Variants in ACSBG1 observed in about 807,000 individuals in gnomAD.
ACSBG1 encodes the protein long-chain-fatty-acid--CoA ligase ACSBG1.
Under a neutral mutation model 80.2 loss-of-function variants are expected in ACSBG1, and 39 were observed. The ratio of observed to expected loss-of-function variants is 0.49; its 90% confidence interval spans 0.38 to 0.64. The LOEUF (loss-of-function observed/expected upper bound fraction) is 0.64, where lower values mean the gene tolerates loss of function less well. Among genes scored for constraint, ACSBG1 ranks in the 30% least tolerant of loss-of-function variants. The probability of loss-of-function intolerance (pLI) is 0.00; values close to 1 mark genes in which losing one functional copy is unlikely to be tolerated. For missense variants in ACSBG1, 828 were observed against 966.4 expected (o/e 0.86, Z 1.90); for synonymous variants, 392 against 379.5 (o/e 1.03, Z -0.38).
intron 5 of ACSBG1, among the ~76,000 whole-genome samples, chr15:78,190,278 A>G (rs1276458666): frequency 1.6e-5 from 2 of 128,606 alleles, no homozygotes; most frequent in South Asian, 5.7e-4. Flanking sequence ...GTTGTCATCC[A>G]TTTTACTTCT....
At chr15:78,226,797 T>A (rs1401993420) in intron 1 of ACSBG1, among the ~76,000 whole-genome samples, 1 of 144,352 alleles carries the variant, frequency 6.9e-6, no homozygotes, top group Non-Finnish European at 1.5e-5. Flanking sequence ...TATATATATA[T>A]ATATAATATA....
At chr15:78,186,010 T>A (rs1217440730) in intron 5 of ACSBG1, among the ~76,000 whole-genome samples, 1 of 152,214 alleles carries the variant, frequency 6.6e-6, no homozygotes, top group Non-Finnish European at 1.5e-5. Flanking sequence ...TAAGAAATGT[T>A]AAAGAAAAGT....
At chr15:78,202,729 T>C (rs2075180174) in intron 2 of ACSBG1, among the ~76,000 whole-genome samples, 1 of 152,172 alleles carries the variant, frequency 6.6e-6, no homozygotes, top group Admixed American at 6.5e-5. Flanking sequence ...TACAGCTTTG[T>C]TGGGGGCAAC....
At position 78,182,459 on chromosome 15, in the gene ACSBG1, G is replaced by C. The variant is rs1177310907; in HGVS notation, c.894+7C>G. 1.2e-6 allele frequency: 2 copies of C among 1,613,764 alleles called. No individual in the cohort carries two copies. The highest frequency in any genetic ancestry group is 1.3e-5 in the African/African-American group (1 of 74,914). On this transcript the variant is annotated splice_region_variant and intron_variant, in intron 7 of 13. Transcript: ENST00000258873. ...ACCCCCCCCACCCCACCGGGCATCT[G>C]TCCTACATTGTCTTGACTCAGCATC...
At position 78,177,998 on chromosome 15, in the gene ACSBG1, C is replaced by T. The variant is rs572613779; in HGVS notation, c.1702+616G>A. Among the ~76,000 whole-genome samples the T allele has an allele frequency of 1.5e-4, 23 of 152,314 alleles. No individual in the cohort carries two copies. Among genetic ancestry groups the T allele is most frequent in the African/African-American group, 3.4e-4 (14 of 41,570 alleles). The stretch of plus-strand genomic sequence containing the variant: ...TGCATATAAAAATACATAATACTTA[C>T]GCTCCTGAATCTTCTGGAAAGACTT... On this transcript the variant is annotated intron_variant, in intron 11 of 13. Transcript: ENST00000258873. This position sits in a 1 kb window ranked among gnomAD's most constrained non-coding sequence, Gnocchi z 4.1.
At chr15:78,208,926 A>T (rs2075242870) in intron 1 of ACSBG1, among the ~76,000 whole-genome samples, 1 of 152,230 alleles carries the variant, frequency 6.6e-6, no homozygotes, top group Non-Finnish European at 1.5e-5. Flanking sequence ...GGATTTCAGT[A>T]CACACTTTAG....
chr15:78,229,667 C>T (rs1432020287), intron 1 of ACSBG1, among the ~76,000 whole-genome samples: 1 of 152,180 alleles, frequency 6.6e-6, no homozygotes. Flanking sequence ...CAGAGCCTGA[C>T]AGCCCTCCCT....
intron 2 of ACSBG1, among the ~76,000 whole-genome samples, chr15:78,205,934 C>T (rs930307618): frequency 1.3e-5 from 2 of 152,304 alleles, no homozygotes; most frequent in Middle Eastern, 3.4e-3. Context: ...GAGAAAGAGT[C>T]CAAGCTCCGC....
intron 8 of ACSBG1, chr15:78,181,145 A>AG (rs1372044626): frequency 1.3e-5 from 8 of 605,096 alleles, no homozygotes; most frequent in Middle Eastern, 8.8e-4. Flanking sequence ...GCAGTCAGGC[A>AG]GCCAGTGCTG....
intron 1 of ACSBG1, among the ~76,000 whole-genome samples, chr15:78,229,320 T>G (rs1227084325): frequency 6.6e-6 from 1 of 152,200 alleles, no homozygotes; most frequent in Non-Finnish European, 1.5e-5. Context: ...ATGAAACAAC[T>G]GTGTTTTTTA....
intron 1 of ACSBG1, among the ~76,000 whole-genome samples, chr15:78,223,282 G>A (rs181918435): frequency 6.6e-6 from 1 of 150,864 alleles, no homozygotes. Flanking sequence ...CCTGTTGGGG[G>A]GTGGGGTGGG....
At position 78,170,422 on chromosome 15, in the gene ACSBG1, C is replaced by T. The variant is rs1016931601; in HGVS notation, c.*1022G>A. On this transcript the variant is annotated 3_prime_UTR_variant, in exon 14 of 14. Transcript: ENST00000258873. ...CACTTTTTAAGCTTGTAACCGCCCC[C>T]CCAGACTTATAATCTTAAATGTATT... is the stretch of plus-strand genomic sequence containing the variant. The T allele has an allele frequency of 6.6e-6, 1 of 152,030 alleles. No homozygotes were observed. Among genetic ancestry groups the T allele is most frequent in the Admixed American group, 6.6e-5 (1 of 15,258 alleles). 9.4% of individuals were successfully genotyped at this position (152,030 alleles called of 1,614,324 possible).
At position 78,178,636 on chromosome 15, in the gene ACSBG1, G is replaced by A. The variant is rs2074907404; in HGVS notation, c.1680C>T (p.Leu560=). The A allele has an allele frequency of 3.1e-6, 5 of 1,612,858 alleles. No individual in the cohort carries two copies. The highest frequency in any genetic ancestry group is 4.2e-6 in the Non-Finnish European group (5 of 1,179,708). ...CACCTTTGAGGCGCCCAGTGATGTA[G>A]AGGAAGCCATCGGCGTCCAGGCGGC... ...DAGRLDADGF[L]YITGRLKELI... The change falls in exon 11 of 14, where the codon CTC becomes CTT. Residue 560 remains leucine, a synonymous_variant. Transcript: ENST00000258873. The surrounding 1 kb of genome is among the most constrained non-coding windows in gnomAD (Gnocchi z 4.3).
intron 1 of ACSBG1, chr15:78,212,830 C>T (rs960167946): frequency 1.0e-5 from 3 of 285,864 alleles, no homozygotes; most frequent in East Asian, 9.3e-5. Context: ...GGGTGGGACA[C>T]CCTGCTGTAA....
intron 2 of ACSBG1, among the ~76,000 whole-genome samples, chr15:78,202,377 A>T (rs1339183374): frequency 1.3e-5 from 2 of 151,830 alleles, no homozygotes; most frequent in Non-Finnish European, 2.9e-5. Flanking sequence ...CGCCCAGCTA[A>T]TTTTTTGTAT....
intron 1 of ACSBG1, among the ~76,000 whole-genome samples, chr15:78,215,881 A>G (rs1311118517): frequency 6.6e-6 from 1 of 152,170 alleles, no homozygotes; most frequent in Non-Finnish European, 1.5e-5. Context: ...AGGCTTGGGA[A>G]ATGTGTAATC....
intron 2 of ACSBG1, among the ~76,000 whole-genome samples, chr15:78,197,221 G>A (rs187932224): frequency 1.2e-4 from 19 of 152,240 alleles, no homozygotes; most frequent in Middle Eastern, 3.4e-3. Context: ...AAGCAGATTC[G>A]TGTTTGCCCC....
Position 78,169,695 on chromosome 15 carries a change from TTTG to T in ACSBG1, c.*1746_*1748del, listed in dbSNP as rs869224682. The T allele has an allele frequency of 1.2e-4, 18 of 152,212 alleles. No individual in the cohort carries two copies. Among genetic ancestry groups the T allele is most frequent in the African/African-American group, 3.6e-4 (15 of 41,452 alleles). The allele number at this position is 152,212 out of a possible 1,614,324, so 9.4% of individuals were successfully genotyped here. ...ACAAATGTATTGTGTGTTCAATTAT[TTTG>T]TTGTCTTGAGATTTAATATTCTTTC... On this transcript the variant is annotated 3_prime_UTR_variant, in exon 14 of 14. Coordinates refer to ENST00000258873, the MANE Select transcript of ACSBG1 (RefSeq NM_015162.5).
At chr15:78,208,832 C>G (rs190400254) in intron 1 of ACSBG1, among the ~76,000 whole-genome samples, 1 of 152,330 alleles carries the variant, frequency 6.6e-6, no homozygotes, top group East Asian at 1.9e-4. Flanking sequence ...CTTTCATTAT[C>G]CTTTCAGCCT....
Sources: allele counts gnomAD v4.1 joint callset (sites outside exome capture counted in the v4.1 genomes callset), GRCh38; gene constraint gnomAD v4.1.1; non-coding constraint Gnocchi (gnomAD v3.1); transcripts MANE v1.5; gene names NCBI Gene and HGNC (gene_info 2026-07-23, HGNC 2026-07-21).